LRRC36: variants seen among roughly 807,000 people sequenced by gnomAD.
LRRC36 encodes leucine-rich repeat-containing protein 36.
A neutral mutation model predicts 81.1 loss-of-function variants in LRRC36; 62 were observed. The observed-to-expected ratio is 0.76, with a 90% CI of 0.62 to 0.94. The LOEUF is 0.94. LRRC36 is among the 40% of genes least tolerant of loss of function. The pLI is 0.00. For missense variants in LRRC36, 761 were observed against 881.7 expected (o/e 0.86, Z 1.73); for synonymous variants, 334 against 348.6 (o/e 0.96, Z 0.47).
At chr16:67,328,539 T>C (rs2037319771) in intron 1 of LRRC36, among the ~76,000 whole-genome samples, 1 of 151,868 alleles carries the variant, frequency 6.6e-6, no homozygotes, top group Non-Finnish European at 1.5e-5. Flanking sequence ...AAAATAAAAA[T>C]TGTACAGTGA....
chr16:67,334,786 C>T (rs568696801), intron 1 of LRRC36, among the ~76,000 whole-genome samples: 9 of 152,088 alleles, frequency 5.9e-5, no homozygotes, highest in African/African-American at 2.2e-4. Context: ...AAGTGTCGGC[C>T]GGCCTGAGAA....
intron 9 of LRRC36, 52 bp from the exon 10 acceptor site, chr16:67,375,195 C>A: frequency 1.3e-6 from 2 of 1,569,932 alleles, no homozygotes; most frequent in Non-Finnish European, 1.7e-6. Flanking sequence ...GTAAGAATGA[C>A]AAATGGTTGG....
chr16:67,362,354 G>A (rs1035966893), intron 5 of LRRC36: 28 of 323,274 alleles, frequency 8.7e-5, no homozygotes, highest in Non-Finnish European at 1.5e-4. Flanking sequence ...GTAGAGACGG[G>A]ATTTCACCAG....
chr16:67,333,199 C>T (rs1481605935), intron 1 of LRRC36, among the ~76,000 whole-genome samples: 2 of 152,074 alleles, frequency 1.3e-5, no homozygotes, highest in Admixed American at 6.5e-5. Flanking sequence ...AGTGGCCCGA[C>T]CTCAGCTCAC....
chr16:67,362,572 A>T (rs954632373), intron 5 of LRRC36, among the ~76,000 whole-genome samples: 4 of 152,216 alleles, frequency 2.6e-5, no homozygotes, highest in Non-Finnish European at 5.9e-5. Flanking sequence ...AGGATTTTAT[A>T]AATAGCAGGG....
chr16:67,376,382 T>A (rs2039894713), intron 10 of LRRC36, among the ~76,000 whole-genome samples: 1 of 152,168 alleles, frequency 6.6e-6, no homozygotes, highest in African/African-American at 2.4e-5. Flanking sequence ...AAAAACTTTT[T>A]AAAAAATATC....
In LRRC36 at chr16:67,375,310, G is replaced by A; in HGVS notation, c.1558G>A (p.Ala520Thr). The stretch of plus-strand genomic sequence containing the variant: ...TGGAAACCACAGTCCCCCCATCTCT[G>A]CCAGAACCCCCCATGTGGCCACTGT... ...LAGNHSPPISARTPHVATVLR... is the reference protein window; with the variant it reads ...LAGNHSPPISTRTPHVATVLR... The change falls in exon 10 of 14, where the codon GCC becomes ACC. Residue 520 changes from alanine to threonine, a missense_variant. Around this residue, in one of 3 missense-constraint regions of LRRC36, gnomAD observed 359 missense variants for 388.4 expected, o/e 0.92. Transcript: ENST00000329956. The A allele has an allele frequency of 6.2e-7, 1 of 1,610,618 alleles. No homozygotes were observed. Among genetic ancestry groups the A allele is most frequent in the Non-Finnish European group, 8.5e-7 (1 of 1,179,378 alleles).
At chr16:67,331,754 G>A (rs1370635784) in intron 1 of LRRC36, among the ~76,000 whole-genome samples, 1 of 152,016 alleles carries the variant, frequency 6.6e-6, no homozygotes, top group African/African-American at 2.4e-5. Flanking sequence ...TTGGGAAGCC[G>A]AGGGGGGTGG....
At chr16:67,376,551 G>A (rs1597501847) in intron 10 of LRRC36, among the ~76,000 whole-genome samples, 176 bp from the exon 11 acceptor site, 1 of 152,340 alleles carries the variant, frequency 6.6e-6, no homozygotes, top group East Asian at 1.9e-4. Context: ...CATAGAGGAT[G>A]TAGGATATAA....
chr16:67,344,887 G>A (rs957335480), intron 2 of LRRC36, among the ~76,000 whole-genome samples: 1 of 152,062 alleles, frequency 6.6e-6, no homozygotes, highest in East Asian at 1.9e-4. Context: ...TTAAATGGGA[G>A]GAGAATAAAA....
intron 7 of LRRC36, among the ~76,000 whole-genome samples, chr16:67,366,315 T>C (rs1413428157): frequency 6.6e-6 from 1 of 152,050 alleles, no homozygotes; most frequent in African/African-American, 2.4e-5. Flanking sequence ...ACCTGGCTAA[T>C]TAAAAAAATT....
At chr16:67,383,927 G>T (rs1555513575) in intron 13 of LRRC36, among the ~76,000 whole-genome samples, 2 of 152,104 alleles carry the variant, frequency 1.3e-5, no homozygotes, top group Non-Finnish European at 2.9e-5. Context: ...ATTTCATCTT[G>T]AAAATGCATT....
intron 5 of LRRC36, among the ~76,000 whole-genome samples, chr16:67,351,841 T>G (rs977383252): frequency 6.6e-6 from 1 of 152,228 alleles, no homozygotes; most frequent in African/African-American, 2.4e-5. Context: ...ATTTTTAAAT[T>G]GATACAATTT....
chr16:67,371,559 A>G lies in LRRC36; in HGVS notation c.1494+317A>G. ...ATTTACACATTTGCTTCGGCCACAC[A>G]TGAAATAGTTCTTATAAAAGCATTG... is the stretch of plus-strand genomic sequence containing the variant. On this transcript the variant is annotated intron_variant, in intron 9 of 13. Transcript: ENST00000329956. 5.7e-5 allele frequency: 21 copies of G among 366,910 alleles called. 1 individual carries two copies. The highest frequency in any genetic ancestry group is 5.0e-4 in the South Asian group (21 of 41,838). The allele number at this position is 366,910 out of a possible 1,614,324, so 22.7% of individuals were successfully genotyped here.
At chr16:67,368,202 C>A (rs1319547999) in intron 8 of LRRC36, among the ~76,000 whole-genome samples, 1 of 152,142 alleles carries the variant, frequency 6.6e-6, no homozygotes, top group African/African-American at 2.4e-5. Context: ...AATAAAGTTC[C>A]ATGTATATTT....
intron 1 of LRRC36, among the ~76,000 whole-genome samples, chr16:67,331,069 AAGAGAGAGAGAG>A (rs71145966): frequency 0.038 from 4,484 of 118,624 alleles, 121 homozygotes; most frequent in South Asian, 0.072. Context: ...GTGAGAGAGA[AAGAGAGAGAGAG>A]AGAGAGAGAG....
chr16:67,378,763 T>A, intron 12 of LRRC36, 51 bp downstream of exon 12: 1 of 1,592,938 alleles, frequency 6.3e-7, no homozygotes, highest in Non-Finnish European at 8.6e-7. Context: ...CAACTGTTTG[T>A]TTATAGATGA....
chr16:67,375,153 C>A, intron 9 of LRRC36, 94 bp from the exon 10 acceptor site: 1 of 1,353,414 alleles, frequency 7.4e-7, no homozygotes, highest in Non-Finnish European at 1.0e-6. Context: ...AAAAAAAAGT[C>A]TCAATGTCTA....
chr16:67,370,850 A>G, intron 8 of LRRC36, 94 bp from the exon 9 acceptor site: 1 of 1,003,232 alleles, frequency 1.0e-6, no homozygotes, highest in Non-Finnish European at 1.5e-6. Context: ...GGGAGTGGTT[A>G]TTATGACCCT....
Sources: allele counts gnomAD v4.1 joint callset (sites outside exome capture counted in the v4.1 genomes callset), GRCh38; gene constraint gnomAD v4.1.1; regional missense constraint gnomAD v4.1.1; transcripts MANE v1.5; gene names NCBI Gene and HGNC (gene_info 2026-07-23, HGNC 2026-07-21).